Variants in KIF14 observed in about 807,000 individuals in gnomAD.
KIF14 encodes the protein kinesin family member 14.
A neutral mutation model predicts 176.2 loss-of-function variants in KIF14; 98 were observed. The observed-to-expected ratio is 0.56, with a 90% confidence interval of 0.47 to 0.66. KIF14 has a LOEUF of 0.66. Among genes scored for constraint, KIF14 ranks in the 30% least tolerant of loss-of-function variants. The pLI, the probability that KIF14 is intolerant of heterozygous loss-of-function variation, is 0.00. For missense variants in KIF14, 1,751 were observed against 1,920.4 expected (o/e 0.91, Z 1.65); for synonymous variants, 566 against 632.2 (o/e 0.90, Z 1.57).
rs1558083528 is a variant in KIF14 at position 200,603,342 on chromosome 1, C to G, written c.1864-1G>C. On this transcript the variant is annotated splice_acceptor_variant, in intron 9 of 29. Coordinates refer to ENST00000367350, the MANE Select transcript of KIF14 (RefSeq NM_014875.3). LOFTEE classifies it high-confidence loss of function. ...AGGACTTATTAATACTCACACCTTC[C>G]TGCATGCAAGAAAAAAAAAATTTTT... 9.2e-6 allele frequency: 14 copies of G among 1,521,038 alleles called. No homozygotes were observed. The highest frequency in any genetic ancestry group is 1.3e-5 in the Non-Finnish European group (14 of 1,116,226). The allele number at this position is 1,521,038 out of a possible 1,614,324, so 94.2% of individuals were successfully genotyped here.
At chr1:200,600,797 G>A (rs2102726900) in intron 11 of KIF14, among the ~76,000 whole-genome samples, 1 of 152,288 alleles carries the variant, frequency 6.6e-6, no homozygotes, top group Admixed American at 6.5e-5. Flanking sequence ...AATTGTTAAA[G>A]TGAAAGTTTA....
intron 8 of KIF14, among the ~76,000 whole-genome samples, chr1:200,604,617 C>T (rs926456087): frequency 1.3e-5 from 2 of 151,758 alleles, no homozygotes; most frequent in Non-Finnish European, 2.9e-5. Flanking sequence ...TATAAATGTC[C>T]AACAGTAGAG....
At chr1:200,603,372 T>G (rs1404402870) in intron 9 of KIF14, 31 bp from the exon 10 acceptor site, 1 of 1,019,490 alleles carries the variant, frequency 9.8e-7, no homozygotes, top group African/African-American at 1.6e-5. Context: ...ATTTTTAACT[T>G]AAAATACTTC....
Position 200,608,837 on chromosome 1 carries a change from T to C in KIF14, c.1547A>G (p.Lys516Arg). The C allele has an allele frequency of 6.3e-7, 1 of 1,580,814 alleles. No homozygotes were observed. Among genetic ancestry groups the C allele is most frequent in the Non-Finnish European group, 8.7e-7 (1 of 1,150,942 alleles). ...AAATTGTTTTAATCTTACTGGTTGC[T>C]TTCTCTGCCCATTTTCATCTTTACA... ...LVCKDENGQRKQPLRVREHPV... is the reference protein window; with the variant it reads ...LVCKDENGQRRQPLRVREHPV... Residue 516 changes from lysine to arginine, a missense_variant, in exon 5 of 30, where the codon AAG becomes AGG. Coordinates refer to ENST00000367350, the MANE Select transcript of KIF14 (RefSeq NM_014875.3).
chr1:200,570,190 T>C (rs1347158098), intron 22 of KIF14, among the ~76,000 whole-genome samples, 185 bp from the exon 23 acceptor site: 3 of 152,238 alleles, frequency 2.0e-5, no homozygotes. Context: ...GGCACTGTTC[T>C]AGGCAGATAG....
intron 14 of KIF14, among the ~76,000 whole-genome samples, 158 bp from the exon 15 acceptor site, chr1:200,593,927 GTTTTTTTTTTTTT>G (rs57476742): frequency 2.0e-5 from 2 of 100,528 alleles, no homozygotes; most frequent in African/African-American, 8.0e-5. Context: ...CCTCCAACTA[GTTTTTTTTTTTTT>G]TTTTTTTTGA....
intron 23 of KIF14, among the ~76,000 whole-genome samples, chr1:200,565,967 G>A (rs574189998): frequency 6.6e-5 from 10 of 152,154 alleles, no homozygotes; most frequent in African/African-American, 2.2e-4. Flanking sequence ...AATATTACTC[G>A]TATACTATTG....
chr1:200,583,432 G>A (rs1302110959), intron 19 of KIF14, among the ~76,000 whole-genome samples: 2 of 152,152 alleles, frequency 1.3e-5, no homozygotes, highest in South Asian at 4.1e-4. Flanking sequence ...TCTGGGATTT[G>A]CTTCAAACTA....
chr1:200,567,721 C>A (rs2102601216), intron 23 of KIF14, among the ~76,000 whole-genome samples: 1 of 151,472 alleles, frequency 6.6e-6, no homozygotes, highest in East Asian at 1.9e-4. Context: ...ATTTAATAGA[C>A]AAGATTAAGT....
chr1:200,603,805 A>G, intron 9 of KIF14, 34 bp downstream of exon 9: 2 of 1,312,446 alleles, frequency 1.5e-6, no homozygotes, highest in Non-Finnish European at 2.2e-6. Flanking sequence ...TCAGGAATAA[A>G]TTTCATCAAA....
At chr1:200,572,761 T>C (rs191210703) in intron 22 of KIF14, among the ~76,000 whole-genome samples, 35 of 152,330 alleles carry the variant, frequency 2.3e-4, no homozygotes, top group Non-Finnish European at 5.9e-5. Flanking sequence ...AATCCTAAAA[T>C]CCAAAGATAT....
intron 16 of KIF14, among the ~76,000 whole-genome samples, chr1:200,590,637 G>C (rs1433084497): frequency 3.3e-5 from 5 of 152,220 alleles, no homozygotes; most frequent in Admixed American, 1.3e-4. Flanking sequence ...GCTAGGGAGA[G>C]AGGAGAATGG....
At chr1:200,585,862 A>G (rs1452212026) in intron 19 of KIF14, among the ~76,000 whole-genome samples, 4 of 152,172 alleles carry the variant, frequency 2.6e-5, no homozygotes, top group Non-Finnish European at 1.5e-5. Flanking sequence ...TATGAATTCA[A>G]TATATTAATT....
At chr1:200,567,532 T>TAAA (rs35456574) in intron 23 of KIF14, among the ~76,000 whole-genome samples, 69 of 127,710 alleles carry the variant, frequency 5.4e-4, no homozygotes, top group East Asian at 4.7e-3. Context: ...AGACTCCGTC[T>TAAA]AAAAAAAAAA....
Position 200,574,937 on chromosome 1 carries a change from A to ATTTT in KIF14, c.3566+650_3566+653dup, listed in dbSNP as rs35584654. Among the ~76,000 whole-genome samples the ATTTT allele has an allele frequency of 6.3e-3, 699 of 110,586 alleles. 4 individuals are homozygous for ATTTT. Among genetic ancestry groups the ATTTT allele is most frequent in the East Asian group, 0.012 (45 of 3,784 alleles). 72.5% of individuals were successfully genotyped at this position (110,586 alleles called of 152,430 possible). A position where few individuals can be genotyped will look rare whatever the true frequency, so the allele number is the denominator to read the frequency against. On this transcript the variant is annotated intron_variant, in intron 22 of 29. Transcript: ENST00000367350. ...TATGTCAAGTTCTTGAGAAAGGGTA[A>ATTTT]TTTTTTTTTTTTTTTTTTTTTTTGA...
intron 21 of KIF14, among the ~76,000 whole-genome samples, chr1:200,578,174 T>G (rs1004610367): frequency 1.3e-5 from 2 of 152,214 alleles, no homozygotes; most frequent in African/African-American, 4.8e-5. Flanking sequence ...AAAATCACAT[T>G]TATCCTTTCA....
rs1247986146 is a variant in KIF14 at position 200,580,311 on chromosome 1, T to C, written c.3408A>G (p.Thr1136=). The change falls in exon 21 of 30, where the codon ACA becomes ACG. Residue 1136 remains threonine, a synonymous_variant. Coordinates refer to ENST00000367350, the MANE Select transcript of KIF14 (RefSeq NM_014875.3). ...ATTCAAACTTTTCCAGACTCCAGAA[T>C]GTTGAGATTCCTAGTTTCAGGTTAC... The part of the protein sequence containing the change: ...RVRNLKLGIS[T]FWSLEKFESK... The C allele has an allele frequency of 1.3e-6, 2 of 1,528,984 alleles. No individual in the cohort carries two copies. Among genetic ancestry groups the C allele is most frequent in the South Asian group, 1.3e-5 (1 of 76,644 alleles). 94.7% of individuals were successfully genotyped at this position (1,528,984 alleles called of 1,614,324 possible). A position where few individuals can be genotyped will look rare whatever the true frequency, so the allele number is the denominator to read the frequency against.
chr1:200,567,438 G>A (rs896780349), intron 23 of KIF14, among the ~76,000 whole-genome samples: 26 of 151,750 alleles, frequency 1.7e-4, no homozygotes, highest in Middle Eastern at 3.4e-3. Flanking sequence ...CCAGCTACTC[G>A]GGAGGTTGAG....
chr1:200,557,858 G>A (rs1360066809), intron 27 of KIF14, among the ~76,000 whole-genome samples: 1 of 152,138 alleles, frequency 6.6e-6, no homozygotes, highest in Non-Finnish European at 1.5e-5. Context: ...TAAATGAGGA[G>A]ACATCCTAGT....
Sources: gnomAD v4.1 joint callset for allele counts (sites outside exome capture counted in the v4.1 genomes callset) on GRCh38, gnomAD v4.1.1 for gene constraint, MANE v1.5 for transcripts, NCBI Gene and HGNC (gene_info 2026-07-23, HGNC 2026-07-21) for gene names.